The following DPYD variants were observed in gnomAD, a reference collection of about 807,000 sequenced individuals.
DPYD encodes the protein dihydropyrimidine dehydrogenase, also known as dihydropyrimidine dehydrogenase [NADP(+)].
DPYD carries 109 observed loss-of-function variants against 116.2 expected under a neutral mutation model. The observed-to-expected ratio is 0.94, with a 90% confidence interval of 0.80 to 1.10. The LOEUF (loss-of-function observed/expected upper bound fraction) is 1.10. DPYD is among the 50% of genes least tolerant of loss of function. The probability of loss-of-function intolerance (pLI) is 0.00; values close to 1 mark genes in which losing one functional copy is unlikely to be tolerated. For missense variants in DPYD, 1,302 were observed against 1,254.5 expected, an observed-to-expected ratio of 1.04 and a Z score of -0.57; for synonymous variants, 440 against 432.0, an observed-to-expected ratio of 1.02 and a Z score of -0.23.
chr1:97,890,328 C>T (rs1262733520), intron 1 of DPYD, among the ~76,000 whole-genome samples: 1 of 151,894 alleles, frequency 6.6e-6, no homozygotes, highest in Non-Finnish European at 1.5e-5. Flanking sequence ...GTCGATTTAG[C>T]CATATACTTT....
chr1:97,148,588 T>A (rs988898143), intron 20 of DPYD, among the ~76,000 whole-genome samples: 4 of 152,168 alleles, frequency 2.6e-5, no homozygotes, highest in African/African-American at 9.7e-5. Context: ...ATAATATTTA[T>A]CTTCTAAATG....
chr1:97,718,894 G>T (rs1191749121), intron 5 of DPYD, among the ~76,000 whole-genome samples: 1 of 151,488 alleles, frequency 6.6e-6, no homozygotes, highest in Admixed American at 6.6e-5. Flanking sequence ...GGTTATATTT[G>T]TGCAGAGAAA....
chr1:97,891,094 A>T (rs1243803969), intron 1 of DPYD, among the ~76,000 whole-genome samples: 1 of 152,030 alleles, frequency 6.6e-6, no homozygotes, highest in Admixed American at 6.6e-5. Context: ...ACAAGACATG[A>T]GTGGTTCAGA....
chr1:97,895,459 G>A lies in DPYD; in HGVS notation c.40-12085C>T, dbSNP rs1180429966. ...AATAGAGGAAGTAGCATGATTTTCA[G>A]GTTCACAAAACTGTAATAAATCATA... On this transcript the variant is annotated intron_variant, in intron 1 of 22. Transcript: ENST00000370192. Among the ~76,000 whole-genome samples, 3 of 151,668 alleles carry A rather than the reference G, an allele frequency of 2.0e-5. No homozygotes were observed. The East Asian group carries it at 5.8e-4, about 29-fold the overall frequency.
At chr1:97,584,335 A>G (rs1212476640) in intron 10 of DPYD, among the ~76,000 whole-genome samples, 1 of 152,010 alleles carries the variant, frequency 6.6e-6, no homozygotes, top group Non-Finnish European at 1.5e-5. Context: ...AGTAGGTTGC[A>G]AAAATTTTCT....
intron 14 of DPYD, among the ~76,000 whole-genome samples, chr1:97,394,855 GAA>G (rs1323065113): frequency 6.6e-6 from 1 of 152,042 alleles, no homozygotes; most frequent in Non-Finnish European, 1.5e-5. Flanking sequence ...CTGTGTTTAA[GAA>G]ATCTCAGGTA....
At chr1:97,343,936 G>A (rs886888342) in intron 16 of DPYD, among the ~76,000 whole-genome samples, 2 of 151,790 alleles carry the variant, frequency 1.3e-5, no homozygotes, top group African/African-American at 4.8e-5. Flanking sequence ...TACTCCAATG[G>A]TAAATGGTAA....
Position 97,769,052 on chromosome 1 carries a change from C to T in DPYD, c.234-28573G>A, listed in dbSNP as rs1666014181. 2.6e-5 allele frequency among the ~76,000 whole-genome samples: 4 copies of T among 151,856 alleles called. No individual in the cohort carries two copies. In the South Asian group the frequency reaches 8.3e-4, roughly 32 times the overall value. On this transcript the variant is annotated intron_variant, in intron 3 of 22. Transcript: ENST00000370192. ...CCATATGAGATTACAAAAAGAAAGG[C>T]ATTTACTAAGATATAACTTATAAGA...
chr1:97,361,815 GA>G (rs1670741374), intron 16 of DPYD, among the ~76,000 whole-genome samples: 1 of 152,090 alleles, frequency 6.6e-6, no homozygotes, highest in Non-Finnish European at 1.5e-5. Context: ...AAAATAATAA[GA>G]GCTATTTATG....
chr1:97,906,109 C>T (rs1260469850), intron 1 of DPYD, among the ~76,000 whole-genome samples: 1 of 152,058 alleles, frequency 6.6e-6, no homozygotes, highest in Non-Finnish European at 1.5e-5. Context: ...TGCCTCACAC[C>T]TGACCCATTT....
intron 20 of DPYD, among the ~76,000 whole-genome samples, chr1:97,165,461 T>TA (rs1198134471): frequency 6.6e-6 from 1 of 151,882 alleles, no homozygotes; most frequent in African/African-American, 2.4e-5. Flanking sequence ...TAAAACTCTA[T>TA]AAAAACGCTG....
At chr1:97,636,853 T>A (rs527820424) in intron 8 of DPYD, among the ~76,000 whole-genome samples, 1 of 152,238 alleles carries the variant, frequency 6.6e-6, no homozygotes, top group East Asian at 1.9e-4. Flanking sequence ...GTCTCTCCCA[T>A]GAAATGCCTT....
chr1:97,596,371 T>C (rs1654883775), intron 8 of DPYD, among the ~76,000 whole-genome samples: 1 of 152,164 alleles, frequency 6.6e-6, no homozygotes. Context: ...TTTTCTACAT[T>C]GTACATATAT....
rs180819223 is a variant in DPYD at position 97,100,923 on chromosome 1, C to T, written c.2623-2291G>A. Reference sequence around the variant, plus strand: ...CATTTGCCATACATAAATTATGTTACACAGCCTTCCCCTGGCTAACATGCT... The same window carrying T: ...CATTTGCCATACATAAATTATGTTATACAGCCTTCCCCTGGCTAACATGCT... On this transcript the variant is annotated intron_variant, in intron 20 of 22. Coordinates refer to ENST00000370192, the MANE Select transcript of DPYD (RefSeq NM_000110.4). 2.5e-3 allele frequency among the ~76,000 whole-genome samples: 373 copies of T among 152,130 alleles called. 3 individuals carry two copies. Among genetic ancestry groups the T allele is most frequent in the African/African-American group, 8.6e-3 (359 of 41,544 alleles).
chr1:97,703,367 T>C (rs1358003449), intron 5 of DPYD, among the ~76,000 whole-genome samples: 1 of 152,002 alleles, frequency 6.6e-6, no homozygotes, highest in African/African-American at 2.4e-5. Flanking sequence ...CTTTAACATT[T>C]CTATGCCTCA....
At chr1:97,809,725 G>A (rs1668255450) in intron 3 of DPYD, among the ~76,000 whole-genome samples, 1 of 152,132 alleles carries the variant, frequency 6.6e-6, no homozygotes, top group African/African-American at 2.4e-5. Flanking sequence ...AACTGTGAGA[G>A]TAGGTGACTG....
intron 6 of DPYD, among the ~76,000 whole-genome samples, chr1:97,696,218 T>C (rs1661299055): frequency 6.6e-6 from 1 of 151,702 alleles, no homozygotes; most frequent in South Asian, 2.1e-4. Flanking sequence ...TTTTAGAGTG[T>C]TCATAAAGTG....
intron 3 of DPYD, among the ~76,000 whole-genome samples, chr1:97,761,394 C>G (rs6604874): frequency 3.3e-5 from 5 of 151,856 alleles, no homozygotes; most frequent in Non-Finnish European, 2.9e-5. Context: ...CCCTTAATGA[C>G]AAAACGAGAA....
chr1:97,855,311 G>C (rs1294912996), intron 2 of DPYD: 1 of 152,250 alleles, frequency 6.6e-6, no homozygotes, highest in East Asian at 1.9e-4. Context: ...GGTGACGGTA[G>C]TGCTGCCAGA....
Sources: gnomAD v4.1 joint callset for allele counts (sites outside exome capture counted in the v4.1 genomes callset) on GRCh38, gnomAD v4.1.1 for gene constraint, MANE v1.5 for transcripts, NCBI Gene and HGNC (gene_info 2026-07-23, HGNC 2026-07-21) for gene names.